Variants in RTN4 observed in about 807,000 individuals in gnomAD.
RTN4 encodes reticulon 4.
RTN4 carries 32 observed loss-of-function variants against 90.4 expected under a neutral mutation model. The ratio of observed to expected loss-of-function variants is 0.35; its 90% CI spans 0.27 to 0.48. The LOEUF is 0.48. Ranked by LOEUF, RTN4 falls within the 20% of genes least tolerant of loss-of-function variation. The probability of loss-of-function intolerance (pLI) is 0.99; values close to 1 mark genes in which losing one functional copy is unlikely to be tolerated. For synonymous variants in RTN4, 629 were observed against 552.5 expected, an observed-to-expected ratio of 1.14 and a Z score of -1.94; for missense variants, 1,706 against 1,430.2, an observed-to-expected ratio of 1.19 and a Z score of -3.11.
chr2:55,055,566 G>C (rs908767498), upstream of RTN4, among the ~76,000 whole-genome samples: 1 of 152,116 alleles, frequency 6.6e-6, no homozygotes, highest in Non-Finnish European at 1.5e-5. Context: ...AGGAGATCAG[G>C]ATGATCCTGG....
intron 2 of RTN4, 46 bp downstream of exon 2, chr2:55,028,118 A>C: frequency 6.5e-7 from 1 of 1,547,064 alleles, no homozygotes; most frequent in Non-Finnish European, 8.9e-7. Context: ...CTAAAGAGTT[A>C]AAGTTAGAAT....
In RTN4 at chr2:55,026,213, G is replaced by T. The variant is rs1681858494; in HGVS notation, c.1886C>A (p.Ala629Asp). Residue 629 changes from alanine to aspartate, a missense_variant, in exon 3 of 9, where the codon GCT becomes GAT. Transcript: ENST00000337526. ...TGATGAGCTGGGCTGTATCACGGAA[G>T]CACCAGCACTAGGAACTGCAGAATT... ...PLNSAVPSAG[A>D]SVIQPSSSPL... is the part of the protein sequence containing the mutation. The T allele has an allele frequency of 6.2e-7, 1 of 1,613,738 alleles. No individual in the cohort carries two copies. The highest frequency in any genetic ancestry group is 8.5e-7 in the Non-Finnish European group (1 of 1,179,872).
At chr2:55,062,428 A>G (rs2105005408) in intron 2 of RTN4, among the ~76,000 whole-genome samples, 1 of 152,348 alleles carries the variant, frequency 6.6e-6, no homozygotes, top group African/African-American at 2.4e-5. Flanking sequence ...CCGTGGGGTC[A>G]GAGCCCCACA....
At chr2:55,125,581 C>T in the RTN4 span, among the ~76,000 whole-genome samples, 3 of 152,140 alleles carry the variant, frequency 2.0e-5, no homozygotes, top group South Asian at 2.1e-4. Flanking sequence ...GCCTGGCCAA[C>T]GTGGTGAAAC....
upstream of RTN4, among the ~76,000 whole-genome samples, chr2:55,052,777 G>A (rs183136525): frequency 8.5e-5 from 13 of 152,186 alleles, 1 homozygote; most frequent in East Asian, 2.3e-3. Context: ...TTTATGATAC[G>A]ACCTTTTCTA....
intron 2 of RTN4, among the ~76,000 whole-genome samples, chr2:55,069,187 C>G (rs1668445881): frequency 6.6e-6 from 1 of 152,238 alleles, no homozygotes; most frequent in Non-Finnish European, 1.5e-5. Context: ...TAATGACTAA[C>G]ACATTTTACC....
chr2:55,097,327 G>C (rs1573515258), intron 1 of RTN4, among the ~76,000 whole-genome samples: 1 of 151,166 alleles, frequency 6.6e-6, no homozygotes, highest in Non-Finnish European at 1.5e-5. Context: ...AAATTCCTTG[G>C]CCTCAGTCCA....
chr2:55,073,752 G>A (rs1255284744), intron 2 of RTN4, among the ~76,000 whole-genome samples: 1 of 152,174 alleles, frequency 6.6e-6, no homozygotes, highest in East Asian at 1.9e-4. Context: ...CAATCTAACA[G>A]CTTGATTCAC....
At chr2:55,096,114 G>A (rs1669028798) in intron 1 of RTN4, among the ~76,000 whole-genome samples, 1 of 152,148 alleles carries the variant, frequency 6.6e-6, no homozygotes, top group Non-Finnish European at 1.5e-5. Context: ...ATTACCTGAG[G>A]ACGGGAGTTC....
chr2:55,124,950 C>G, the RTN4 span, among the ~76,000 whole-genome samples: 749 of 152,172 alleles, frequency 4.9e-3, 10 homozygotes, highest in African/African-American at 0.017. Flanking sequence ...ACTGACAAAA[C>G]CAAGCAATGG....
intron 1 of RTN4, among the ~76,000 whole-genome samples, chr2:55,096,590 C>A (rs1667721983): frequency 6.6e-6 from 1 of 152,312 alleles, no homozygotes; most frequent in East Asian, 1.9e-4. Flanking sequence ...CTAATCATAG[C>A]CTTTCTCTGG....
intron 3 of RTN4, among the ~76,000 whole-genome samples, chr2:54,995,955 T>A (rs1222792962): frequency 6.6e-6 from 1 of 152,198 alleles, no homozygotes; most frequent in Non-Finnish European, 1.5e-5. Flanking sequence ...GTCTGTTGTA[T>A]GTATTTTAAA....
intron 2 of RTN4, among the ~76,000 whole-genome samples, chr2:55,074,404 G>T (rs542650444): frequency 1.3e-5 from 2 of 151,646 alleles, no homozygotes; most frequent in South Asian, 4.2e-4. Context: ...TTAGGAAACT[G>T]AGGCAGGAGG....
At chr2:55,116,828 C>T (rs904291832), upstream of RTN4, among the ~76,000 whole-genome samples, 1 of 151,768 alleles carries the variant, frequency 6.6e-6, no homozygotes, top group African/African-American at 2.4e-5. Context: ...CGACACTTCC[C>T]AGAACTCTCC....
At chr2:55,104,517 A>G (rs938849618) in intron 1 of RTN4, among the ~76,000 whole-genome samples, 7 of 151,484 alleles carry the variant, frequency 4.6e-5, no homozygotes, top group African/African-American at 1.7e-4. Context: ...CATCTGGCTA[A>G]TTTTTGTATT....
upstream of RTN4, among the ~76,000 whole-genome samples, chr2:55,055,680 G>A (rs1197742653): frequency 6.6e-6 from 1 of 151,692 alleles, no homozygotes; most frequent in Non-Finnish European, 1.5e-5. Flanking sequence ...TGAGGCAGGA[G>A]AATGGCGTGA....
chr2:55,010,171 C>A, intron 3 of RTN4: 1 of 1,611,244 alleles, frequency 6.2e-7, no homozygotes, highest in Non-Finnish European at 8.5e-7. Flanking sequence ...TGCATACCAA[C>A]AGAAAAGCTG....
rs74332635 is a variant in RTN4 at position 55,109,942 on chromosome 2, A to G, written c.-214+2578T>C. Among the ~76,000 whole-genome samples the G allele has an allele frequency of 2.4e-3, 369 of 152,342 alleles. 5 individuals carry two copies. The East Asian group carries it at 0.046, about 19-fold the overall frequency. On this transcript the variant is annotated intron_variant, in intron 1 of 3. Coordinates refer to the RTN4 transcript ENST00000427710. ...TTCTCTCTTCCAAAAAAGAGTGGAC[A>G]TTGAATTTATATTCAGAAGTGGTAA...
chr2:55,088,143 G>A (rs1573509749), intron 1 of RTN4, among the ~76,000 whole-genome samples: 1 of 152,186 alleles, frequency 6.6e-6, no homozygotes, highest in African/African-American at 2.4e-5. Flanking sequence ...TACGGGTTAT[G>A]TTATCTTCTC....
Sources: allele counts gnomAD v4.1 joint callset (sites outside exome capture counted in the v4.1 genomes callset), GRCh38; gene constraint gnomAD v4.1.1; transcripts MANE v1.5; gene names NCBI Gene and HGNC (gene_info 2026-07-23, HGNC 2026-07-21).